The following DNASE2 variants were observed in gnomAD, a reference collection of about 807,000 sequenced individuals.
DNASE2 encodes deoxyribonuclease-2-alpha.
A neutral mutation model predicts 29.8 loss-of-function variants in DNASE2; 26 were observed. That is an observed-to-expected ratio of 0.87 (90% confidence interval 0.64 to 1.21). The LOEUF is 1.21. Ranked by LOEUF, DNASE2 falls within the 50% of genes most tolerant of loss-of-function variation. DNASE2 has a pLI of 0.00. For missense variants in DNASE2, 415 were observed against 455.6 expected (o/e 0.91, Z 0.81); for synonymous variants, 186 against 193.5 (o/e 0.96, Z 0.32).
intron 3 of DNASE2, among the ~76,000 whole-genome samples, chr19:12,879,980 C>G (rs528418956): frequency 1.3e-5 from 2 of 152,056 alleles, no homozygotes; most frequent in East Asian, 3.9e-4. Context: ...TGGCGCACAC[C>G]TGTAATCCCA....
rs1164054328 is a variant in DNASE2 at position 12,876,082 on chromosome 19, G to A, written c.991C>T (p.Pro331Ser). The change falls in exon 6 of 6, where the codon CCA (proline) becomes TCA (serine). Residue 331 changes from proline (P) to serine (S), a missense_variant. By Grantham distance (74) the Pro-to-Ser change is moderately conservative. Transcript: ENST00000222219. ...GGCTGGAAGGCTTTCCAGAGGGCTG[G>A]CAGCTGGGCACACAGTGTGCCCCCA... is the stretch of plus-strand genomic sequence containing the variant. Reference protein sequence around the residue: ...RGGGTLCAQLPALWKAFQPLV... With the variant: ...RGGGTLCAQLSALWKAFQPLV... 1 of 1,613,980 alleles carries A rather than the reference G, an allele frequency of 6.2e-7. No homozygotes were observed. The highest frequency in any genetic ancestry group is 8.5e-7 in the Non-Finnish European group (1 of 1,180,006).
At chr19:12,877,096 T>C (rs1970330300) in intron 5 of DNASE2, among the ~76,000 whole-genome samples, 1 of 152,126 alleles carries the variant, frequency 6.6e-6, no homozygotes, top group Non-Finnish European at 1.5e-5. Context: ...AGATAATTTT[T>C]GTACTTTTAG....
At position 12,880,772 on chromosome 19, in the gene DNASE2, T is replaced by A. The variant is rs771584500; in HGVS notation, c.346+30A>T. On this transcript the variant is annotated intron_variant, in intron 3 of 5. Coordinates refer to ENST00000222219, the MANE Select transcript of DNASE2 (RefSeq NM_001375.3). The stretch of plus-strand genomic sequence containing the variant: ...TTACCTTGGAAAAATGGGACCCGAG[T>A]CTCTCCCCAGCCCCCAATCCAGGCC... The A allele has an allele frequency of 3.1e-6, 5 of 1,613,624 alleles. No individual in the cohort carries two copies. In the African/African-American group the frequency reaches 6.7e-5, roughly 22 times the overall value.
Position 12,875,916 on chromosome 19 carries a change from C to G in DNASE2, c.*74G>C, listed in dbSNP as rs192025167. 29 of 1,586,554 alleles carry G rather than the reference C, an allele frequency of 1.8e-5. No individual in the cohort carries two copies. The East Asian group carries it at 6.5e-4, about 35-fold the overall frequency. ...CAGGCTGGTCTCGAATTCCTGAGTT[C>G]AAGTGATCCTCCCTCCTTGGCTTCC... is the stretch of plus-strand genomic sequence containing the variant. On this transcript the variant is annotated 3_prime_UTR_variant, in exon 6 of 6. Transcript: ENST00000222219.
chr19:12,879,502 A>AAG, intron 3 of DNASE2, among the ~76,000 whole-genome samples: 1 of 151,762 alleles, frequency 6.6e-6, no homozygotes, highest in East Asian at 1.9e-4. Flanking sequence ...AAAAAAAAAA[A>AAG]AAGGCAATTA....
At chr19:12,879,217 C>T (rs1266156379) in intron 3 of DNASE2, among the ~76,000 whole-genome samples, 1 of 149,698 alleles carries the variant, frequency 6.7e-6, no homozygotes, top group African/African-American at 2.5e-5. Flanking sequence ...GAAGGCAGGC[C>T]CCACGCAGTG....
chr19:12,876,411 G>C, intron 5 of DNASE2, 48 bp from the exon 6 acceptor site: 1 of 1,598,494 alleles, frequency 6.3e-7, no homozygotes, highest in Non-Finnish European at 8.5e-7. Context: ...GCCACTGCGA[G>C]GGAGTCCCTA....
In DNASE2 at chr19:12,876,128, G is replaced by C. The variant is rs758353391; in HGVS notation, c.945C>G (p.Asn315Lys). 5 of 1,614,060 alleles carry C rather than the reference G, an allele frequency of 3.1e-6. No individual in the cohort carries two copies. Among genetic ancestry groups the C allele is most frequent in the African/African-American group, 1.3e-5 (1 of 74,924 alleles). Residue 315 changes from asparagine (N) to lysine (K), a missense_variant, in exon 6 of 6, where the codon AAC becomes AAG. Coordinates refer to ENST00000222219, the MANE Select transcript of DNASE2 (RefSeq NM_001375.3). ...CCCCACCCCGTTGCTCCTCTCCCTG[G>C]TTCCGATTCATGTCACCCACGCAGG... is the stretch of plus-strand genomic sequence containing the variant. The part of the protein sequence containing the change: ...PWTCVGDMNR[N>K]QGEEQRGGGT...
intron 3 of DNASE2, 122 bp downstream of exon 3, chr19:12,880,680 T>G: frequency 1.6e-5 from 21 of 1,332,018 alleles, no homozygotes; most frequent in South Asian, 1.0e-4. Context: ...AAAAAAAAAG[T>G]TGGGGGGAAT....
In DNASE2 at chr19:12,878,434, G is replaced by A; in HGVS notation, c.657C>T (p.Ser219=). The A allele has an allele frequency of 6.2e-7, 1 of 1,613,650 alleles. No homozygotes were observed. Among genetic ancestry groups the A allele is most frequent in the Non-Finnish European group, 8.5e-7 (1 of 1,180,040 alleles). The change falls in exon 5 of 6, where the codon TCC becomes TCT. Residue 219 remains serine (S), a synonymous_variant. Coordinates refer to ENST00000222219, the MANE Select transcript of DNASE2 (RefSeq NM_001375.3). ...EPWNSSITLT[S]QAGAVFQSFA... is the part of the protein sequence containing the mutation. ...AGCTCTGGAAAACAGCCCCGGCCTG[G>A]GATGTGAGTGTGATGCTGCTGTTCC...
chr19:12,876,890 T>C (rs1257063471), intron 5 of DNASE2, among the ~76,000 whole-genome samples: 2 of 151,786 alleles, frequency 1.3e-5, no homozygotes, highest in Admixed American at 1.3e-4. Flanking sequence ...TGGTGTAATC[T>C]CGGCACACTG....
In DNASE2 at chr19:12,880,851, C is replaced by T; in HGVS notation, c.297G>A (p.Pro99=). 6.2e-7 allele frequency: 1 copy of T among 1,614,144 alleles called. No homozygotes were observed. Among genetic ancestry groups the T allele is most frequent in the East Asian group, 2.2e-5 (1 of 44,880 alleles). ...QLAFLLYNDQ[P]PQPSKAQDSS... ...AGTCCTGAGCCTTGCTGGGTTGAGG[C>T]GGTTGGTCATTGTAGAGCAGGAAGG... is the stretch of plus-strand genomic sequence containing the variant. The change falls in exon 3 of 6, where the codon CCG becomes CCA. Residue 99 remains proline, a synonymous_variant. Coordinates refer to ENST00000222219, the MANE Select transcript of DNASE2 (RefSeq NM_001375.3).
chr19:12,876,376 G>T lies in DNASE2; in HGVS notation c.710-13C>A. ...CCGGAGTACAGGTCTGCAAAGGATGGAGAGAGGGCACAGGTAGGGTCAGGG... is the reference window on the plus strand; with the variant it reads ...CCGGAGTACAGGTCTGCAAAGGATGTAGAGAGGGCACAGGTAGGGTCAGGG... On this transcript the variant is annotated splice_polypyrimidine_tract_variant and intron_variant, in intron 5 of 5. Coordinates refer to ENST00000222219, the MANE Select transcript of DNASE2 (RefSeq NM_001375.3). The T allele has an allele frequency of 6.2e-7, 1 of 1,609,754 alleles. No homozygotes were observed. Among genetic ancestry groups the T allele is most frequent in the South Asian group, 1.1e-5 (1 of 91,008 alleles).
At position 12,880,973 on chromosome 19, in the gene DNASE2, T is replaced by C. The variant is rs1490325812; in HGVS notation, c.266A>G (p.Gln89Arg). Residue 89 changes from glutamine to arginine, a missense_variant and splice_region_variant, in exon 2 of 6, where the codon CAG (glutamine) becomes CGG (arginine). Gln to Arg is a conservative substitution (Grantham distance 43). Coordinates refer to ENST00000222219, the MANE Select transcript of DNASE2 (RefSeq NM_001375.3). ...TAGTTGGCCCGGGGCCCCCTTCACC[T>C]GGCTGGTGTTGCTCCGGTACAGCGG... is the stretch of plus-strand genomic sequence containing the variant. ...LQPLYRSNTS[Q>R]LAFLLYNDQP... 3 of 1,614,188 alleles carry C rather than the reference T, an allele frequency of 1.9e-6. No individual in the cohort carries two copies. In the South Asian group the frequency reaches 3.3e-5, roughly 18 times the overall value.
rs1323765397 is a variant in DNASE2, at chr19:12,878,480, T to TG, written c.610dup (p.His204ProfsTer4). On this transcript the variant is annotated frameshift_variant, in exon 5 of 6. Coordinates refer to ENST00000222219, the MANE Select transcript of DNASE2 (RefSeq NM_001375.3). LOFTEE classifies it high-confidence loss of function. Reference sequence around the variant, plus strand: ...GTTCCAGGGTTCTTGGCTAACGTGGTGGCCCTTGACCACATTCTCCAAGTC... The same window carrying TG: ...GTTCCAGGGTTCTTGGCTAACGTGGTGGGCCCTTGACCACATTCTCCAAGTC... 6.2e-7 allele frequency: 1 copy of TG among 1,614,062 alleles called. No homozygotes were observed. The highest frequency in any genetic ancestry group is 2.2e-5 in the East Asian group (1 of 44,880).
In DNASE2 at chr19:12,876,128, G is replaced by A. The variant is rs758353391; in HGVS notation, c.945C>T (p.Asn315=). Residue 315 remains asparagine, a synonymous_variant, in exon 6 of 6, where the codon AAC becomes AAT. Transcript: ENST00000222219. The stretch of plus-strand genomic sequence containing the variant: ...CCCCACCCCGTTGCTCCTCTCCCTG[G>A]TTCCGATTCATGTCACCCACGCAGG... The part of the protein sequence containing the change: ...PWTCVGDMNR[N]QGEEQRGGGT... 6.2e-7 allele frequency: 1 copy of A among 1,614,178 alleles called. No homozygotes were observed. Among genetic ancestry groups the A allele is most frequent in the East Asian group, 2.2e-5 (1 of 44,874 alleles).
intron 5 of DNASE2, 180 bp downstream of exon 5, chr19:12,878,202 A>C: frequency 1.4e-6 from 1 of 728,350 alleles, no homozygotes; most frequent in Non-Finnish European, 2.4e-6. Flanking sequence ...ACCAAGGCTC[A>C]GGTGAAGTTA....
At chr19:12,878,169 A>T (rs1025304163) in intron 5 of DNASE2, 12 of 616,262 alleles carry the variant, frequency 1.9e-5, no homozygotes, top group Non-Finnish European at 3.4e-5. Context: ...AGATGTCAGT[A>T]TCCCCATTTT....
At position 12,878,733 on chromosome 19, in the gene DNASE2, C is replaced by T. The variant is rs774019136; in HGVS notation, c.448G>A (p.Ala150Thr). 19 of 1,613,886 alleles carry T rather than the reference C, an allele frequency of 1.2e-5. No individual in the cohort carries two copies. The highest frequency in any genetic ancestry group is 1.1e-4 in the East Asian group (5 of 44,884). The part of the protein sequence containing the change: ...SSAAYSWPHS[A>T]CTYGQTLLCV... ...AGCAGGGTCTGCCCGTAGGTACAGG[C>T]GCTATGAGGCCAGCTGTATGCAGCA... The change falls in exon 4 of 6, where the codon GCC becomes ACC. Residue 150 changes from alanine to threonine, a missense_variant. Physicochemically the swap from Ala to Thr is moderately conservative, Grantham distance 58. Coordinates refer to ENST00000222219, the MANE Select transcript of DNASE2 (RefSeq NM_001375.3).
Sources: allele counts gnomAD v4.1 joint callset (sites outside exome capture counted in the v4.1 genomes callset), GRCh38; gene constraint gnomAD v4.1.1; transcripts MANE v1.5; gene names NCBI Gene and HGNC (gene_info 2026-07-23, HGNC 2026-07-21).